Variants in MBTPS1 observed in about 807,000 individuals in gnomAD.
MBTPS1 encodes membrane-bound transcription factor site-1 protease.
In MBTPS1, 94 loss-of-function variants were observed where a neutral mutation model predicts 127.8. That is an observed-to-expected ratio of 0.74 (90% CI 0.62 to 0.87). The LOEUF (loss-of-function observed/expected upper bound fraction) is 0.87, where lower values mean the gene tolerates loss of function less well. Among genes scored for constraint, MBTPS1 ranks in the 40% least tolerant of loss-of-function variants. The pLI is 0.00. For missense variants in MBTPS1, 1,636 were observed against 1,353.2 expected, an observed-to-expected ratio of 1.21 and a Z score of -3.28; for synonymous variants, 632 against 509.4, an observed-to-expected ratio of 1.24 and a Z score of -3.24.
chr16:84,095,552 G>C, intron 4 of MBTPS1, 50 bp downstream of exon 4: 1 of 1,586,752 alleles, frequency 6.3e-7, no homozygotes, highest in Non-Finnish European at 8.6e-7. Flanking sequence ...CTGGGTAATA[G>C]CACACACCTG....
intron 1 of MBTPS1, among the ~76,000 whole-genome samples, chr16:84,105,728 C>T (rs368602117): frequency 6.6e-6 from 1 of 152,240 alleles, no homozygotes; most frequent in African/African-American, 2.4e-5. Context: ...GCCGGAAATA[C>T]GGACCTCTTC....
chr16:84,062,564 G>A (rs959061684), intron 19 of MBTPS1, among the ~76,000 whole-genome samples: 1 of 152,132 alleles, frequency 6.6e-6, no homozygotes, highest in Non-Finnish European at 1.5e-5. Flanking sequence ...CTCACCACCC[G>A]CCCTGTGCCT....
At chr16:84,086,348 G>A (rs1301061747) in intron 9 of MBTPS1, 2 of 152,484 alleles carry the variant, frequency 1.3e-5, no homozygotes, top group African/African-American at 4.8e-5. Context: ...TGGGGACAAA[G>A]TGGTGGATGC....
In MBTPS1 at chr16:84,071,413, G is replaced by A. The variant is rs75330685; in HGVS notation, c.1594-637C>T. Among the ~76,000 whole-genome samples the A allele has an allele frequency of 0.01, 1,574 of 152,264 alleles. 59 individuals carry two copies. In the East Asian group the frequency reaches 0.14, roughly 13 times the overall value. On this transcript the variant is annotated intron_variant, in intron 12 of 22. Coordinates refer to ENST00000343411, the MANE Select transcript of MBTPS1 (RefSeq NM_003791.4). ...TTTCCCTCCACAATCCACACAGCCA[G>A]AACTTACTTCCCAAGTAAGCCAGTG... is the stretch of plus-strand genomic sequence containing the variant.
intron 15 of MBTPS1, 67 bp downstream of exon 15, chr16:84,068,272 T>C: frequency 7.2e-6 from 8 of 1,105,610 alleles, no homozygotes; most frequent in Non-Finnish European, 1.1e-5. Context: ...GATTCACTCC[T>C]CAGACATTTA....
chr16:84,063,205 G>A lies in MBTPS1; in HGVS notation c.2572+100C>T. The A allele has an allele frequency of 3.9e-6, 5 of 1,282,010 alleles. No individual in the cohort carries two copies. In the South Asian group the frequency reaches 6.8e-5, roughly 17 times the overall value. The allele number at this position is 1,282,010 out of a possible 1,614,324, so 79.4% of individuals were successfully genotyped here. A position where few individuals can be genotyped will look rare whatever the true frequency, so the allele number is the denominator to read the frequency against. ...CTGAGCCTGGCTCAAGTGAACAGAT[G>A]TCGGCTGATCTGCCAGCATCTCACG... On this transcript the variant is annotated intron_variant, in intron 19 of 22. Coordinates refer to ENST00000343411, the MANE Select transcript of MBTPS1 (RefSeq NM_003791.4).
chr16:84,079,022 G>C (rs2085900321), intron 11 of MBTPS1, among the ~76,000 whole-genome samples: 3 of 152,238 alleles, frequency 2.0e-5, no homozygotes, highest in Admixed American at 6.5e-5. Context: ...TGGGTCCTGG[G>C]GGAGACCCCT....
chr16:84,055,201 G>C (rs2085504581), intron 22 of MBTPS1, among the ~76,000 whole-genome samples: 1 of 152,232 alleles, frequency 6.6e-6, no homozygotes, highest in Non-Finnish European at 1.5e-5. Flanking sequence ...GCAAGGCCAA[G>C]GGCTCTGGAA....
chr16:84,104,283 C>A (rs941098567), intron 1 of MBTPS1, among the ~76,000 whole-genome samples: 1 of 152,028 alleles, frequency 6.6e-6, no homozygotes, highest in African/African-American at 2.4e-5. Context: ...AGGTTTGAGA[C>A]CAGCCTGGGC....
chr16:84,091,982 A>T, intron 6 of MBTPS1, 134 bp from the exon 7 acceptor site: 2 of 613,444 alleles, frequency 3.3e-6, no homozygotes, highest in Non-Finnish European at 5.9e-6. Flanking sequence ...CCAGAAATGA[A>T]TCCTGAGCAT....
chr16:84,055,999 A>T lies in MBTPS1; in HGVS notation c.2962+6T>A. 3 of 1,609,064 alleles carry T rather than the reference A, an allele frequency of 1.9e-6. No homozygotes were observed. The highest frequency in any genetic ancestry group is 2.5e-6 in the Non-Finnish European group (3 of 1,176,944). On this transcript the variant is annotated splice_donor_region_variant and intron_variant, in intron 22 of 22. Coordinates refer to ENST00000343411, the MANE Select transcript of MBTPS1 (RefSeq NM_003791.4). ...GAGCACAATCACAAAGCAGCCGAGA[A>T]CTCACCTCCAGGAATGTCCCAGGCG... is the stretch of plus-strand genomic sequence containing the variant.
At chr16:84,070,507 C>T (rs1597315136) in intron 13 of MBTPS1, 81 bp downstream of exon 13, 4 of 1,396,008 alleles carry the variant, frequency 2.9e-6, no homozygotes, top group East Asian at 2.3e-5. Flanking sequence ...CCAATGGAGA[C>T]CCCAGGCATT....
In MBTPS1 at chr16:84,059,348, G is replaced by A. The variant is rs776497460; in HGVS notation, c.2785C>T (p.Arg929Cys). 2.2e-5 allele frequency: 36 copies of A among 1,614,042 alleles called. No individual in the cohort carries two copies. The highest frequency in any genetic ancestry group is 2.8e-5 in the Non-Finnish European group (33 of 1,180,002). Residue 929 changes from arginine to cysteine, a missense_variant, in exon 21 of 23, where the codon CGC (arginine) becomes TGC (cysteine). Transcript: ENST00000343411. ...GGCTGTGGCTTGGCCCAAGACAAGCGTGGACAGGCTGGTAGAGGCCGAGGT... is the reference window on the plus strand; with the variant it reads ...GGCTGTGGCTTGGCCCAAGACAAGCATGGACAGGCTGGTAGAGGCCGAGGT... ...PKPRPLPACPRLSWAKPQPLN... is the reference protein window; with the variant it reads ...PKPRPLPACPCLSWAKPQPLN...
chr16:84,098,887 C>T (rs2086215396), intron 3 of MBTPS1, among the ~76,000 whole-genome samples, 166 bp downstream of exon 3: 1 of 152,030 alleles, frequency 6.6e-6, no homozygotes, highest in South Asian at 2.1e-4. Flanking sequence ...CGACCCTGCG[C>T]ACTAAACAAA....
chr16:84,054,587 G>A lies in MBTPS1; in HGVS notation c.3021C>T (p.Phe1007=). Residue 1007 remains phenylalanine, a synonymous_variant, in exon 23 of 23, where the codon TTC becomes TTT. Transcript: ENST00000343411. The stretch of plus-strand genomic sequence containing the variant: ...AGGCCAGGACCACCATGGCTCCCAG[G>A]AAGGCAAAGACAGGAATGGTCTGGC... ...EVGQTIPVFA[F]LGAMVVLAFF... is the part of the protein sequence containing the mutation. The A allele has an allele frequency of 6.2e-7, 1 of 1,613,762 alleles. No individual in the cohort carries two copies. The highest frequency in any genetic ancestry group is 8.5e-7 in the Non-Finnish European group (1 of 1,179,806).
chr16:84,116,878 C>G lies in MBTPS1; in HGVS notation c.-468G>C, dbSNP rs1012020214. The G allele has an allele frequency of 6.6e-6, 1 of 152,308 alleles. No individual in the cohort carries two copies. Among genetic ancestry groups the G allele is most frequent in the Admixed American group, 6.5e-5 (1 of 15,286 alleles). 9.4% of individuals were successfully genotyped at this position (152,308 alleles called of 1,614,324 possible). A position where few individuals can be genotyped will look rare whatever the true frequency, so the allele number is the denominator to read the frequency against. ...GGCCAGCGAGGCCCACAGCTGGGAG[C>G]CTCAGCTCCGCCGACCCAGCGTGCC... On this transcript the variant is annotated 5_prime_UTR_variant, in exon 1 of 23. Coordinates refer to ENST00000343411, the MANE Select transcript of MBTPS1 (RefSeq NM_003791.4).
chr16:84,090,999 CAA>C (rs11325729), intron 7 of MBTPS1, 57 bp from the exon 8 acceptor site: 56,878 of 755,162 alleles, frequency 0.075, 423 homozygotes, highest in African/African-American at 0.11. Flanking sequence ...ATATAACTGT[CAA>C]AAAAAAAAAA....
intron 22 of MBTPS1, among the ~76,000 whole-genome samples, chr16:84,055,045 A>C (rs1016129333): frequency 6.6e-6 from 1 of 152,092 alleles, no homozygotes; most frequent in Non-Finnish European, 1.5e-5. Context: ...GTTCCAGCTG[A>C]GTGGGAGGAG....
rs1472972109 is a variant in MBTPS1 at position 84,081,832 on chromosome 16, C to CG, written c.1362dup (p.Gly455ArgfsTer6). 6.5e-7 allele frequency: 1 copy of CG among 1,533,018 alleles called. No individual in the cohort carries two copies. Among genetic ancestry groups the CG allele is most frequent in the African/African-American group, 1.4e-5 (1 of 71,322 alleles). 95.0% of individuals were successfully genotyped at this position (1,533,018 alleles called of 1,614,324 possible). On this transcript the variant is annotated frameshift_variant, in exon 11 of 23. Transcript: ENST00000343411. LOFTEE classifies it high-confidence loss of function. ...TGGCCTTGCTCAAACATGTTGACCC[C>CG]GGGGAGCCTCCGGGCTGACGCGATC...
Sources: gnomAD v4.1 joint callset for allele counts (sites outside exome capture counted in the v4.1 genomes callset) on GRCh38, gnomAD v4.1.1 for gene constraint, MANE v1.5 for transcripts, NCBI Gene and HGNC (gene_info 2026-07-23, HGNC 2026-07-21) for gene names.